Variants in AGBL3 observed in about 807,000 individuals in gnomAD.
AGBL3 encodes the protein AGBL carboxypeptidase 3, also known as cytosolic carboxypeptidase 3.
In AGBL3, 68 loss-of-function variants were observed where a neutral mutation model predicts 94.5. The ratio of observed to expected loss-of-function variants is 0.72; its 90% CI spans 0.59 to 0.88. AGBL3 has a LOEUF of 0.88. Ranked by LOEUF, AGBL3 falls within the 40% of genes least tolerant of loss-of-function variation. The pLI is 0.00. For missense variants in AGBL3, 934 were observed against 1,103.8 expected (o/e 0.85, Z 2.18); for synonymous variants, 354 against 370.7 (o/e 0.95, Z 0.52).
chr7:135,065,621 G>T (rs1162328464), intron 12 of AGBL3, among the ~76,000 whole-genome samples: 7 of 152,180 alleles, frequency 4.6e-5, no homozygotes, highest in African/African-American at 1.7e-4. Context: ...GCTGAGTGTG[G>T]TGGCTCACAC....
intron 16 of AGBL3, among the ~76,000 whole-genome samples, chr7:135,126,639 T>C (rs1214828115): frequency 1.3e-5 from 2 of 152,164 alleles, no homozygotes; most frequent in East Asian, 3.9e-4. Context: ...AACTTCAAAC[T>C]GTACTACGAG....
At chr7:135,109,016 G>T (rs1460943206) in intron 15 of AGBL3, among the ~76,000 whole-genome samples, 1 of 151,858 alleles carries the variant, frequency 6.6e-6, no homozygotes, top group Non-Finnish European at 1.5e-5. Flanking sequence ...TTCTTGTAGT[G>T]TGTTTTATAG....
intron 12 of AGBL3, among the ~76,000 whole-genome samples, chr7:135,072,492 C>T (rs148443186): frequency 0.49 from 73,708 of 151,906 alleles, 18,237 homozygotes; most frequent in South Asian, 0.66. Flanking sequence ...CTATTCACAA[C>T]AGCAAAGTCT....
chr7:135,099,839 A>G (rs10954483), intron 15 of AGBL3: 65,193 of 148,024 alleles, frequency 0.44, 14,963 homozygotes, highest in East Asian at 0.78. Context: ...ATCTAGTTAG[A>G]TATTTATTTC....
intron 4 of AGBL3, among the ~76,000 whole-genome samples, chr7:134,999,128 G>C (rs1811385174): frequency 6.6e-6 from 1 of 152,192 alleles, no homozygotes; most frequent in Admixed American, 6.5e-5. Flanking sequence ...ACTATGGGCT[G>C]TAAAGTGTGT....
intron 4 of AGBL3, chr7:135,010,817 T>G (rs1813051675): frequency 6.6e-6 from 1 of 152,198 alleles, no homozygotes; most frequent in Admixed American, 6.5e-5. Flanking sequence ...AGAGAGATTT[T>G]TAAAAGACCT....
chr7:135,034,421 A>G lies in AGBL3; in HGVS notation c.830A>G (p.Tyr277Cys), dbSNP rs767063041. The G allele has an allele frequency of 6.4e-7, 1 of 1,551,716 alleles. No individual in the cohort carries two copies. The highest frequency in any genetic ancestry group is 1.2e-5 in the South Asian group (1 of 84,064). ...RNNPGQDGRH[Y>C]FSLTWTFQFP... ...AACCCAGGCCAAGATGGGCGCCATTATTTCTCTCTTACATGGACATTTCAA... is the reference window on the plus strand; with the variant it reads ...AACCCAGGCCAAGATGGGCGCCATTGTTTCTCTCTTACATGGACATTTCAA... The change falls in exon 7 of 17, where the codon TAT becomes TGT. Residue 277 changes from tyrosine (Y) to cysteine (C), a missense_variant. Transcript: ENST00000436302.
chr7:135,041,492 A>G (rs1038734176), intron 8 of AGBL3, among the ~76,000 whole-genome samples: 2 of 152,190 alleles, frequency 1.3e-5, no homozygotes, highest in Non-Finnish European at 2.9e-5. Context: ...TGCACAGGAA[A>G]TTTAATGGAG....
intron 11 of AGBL3, among the ~76,000 whole-genome samples, chr7:135,053,112 C>A (rs1246169751): frequency 2.6e-5 from 4 of 152,078 alleles, no homozygotes; most frequent in Non-Finnish European, 5.9e-5. Flanking sequence ...TGAAAGCGTC[C>A]AAATATTTTA....
chr7:135,074,353 C>T (rs1421524648), intron 12 of AGBL3, among the ~76,000 whole-genome samples: 2 of 152,114 alleles, frequency 1.3e-5, no homozygotes, highest in Admixed American at 6.5e-5. Context: ...TTGACAAACC[C>T]TCATAGCATT....
At chr7:135,049,004 C>T (rs1259772486) in intron 11 of AGBL3, among the ~76,000 whole-genome samples, 1 of 151,594 alleles carries the variant, frequency 6.6e-6, no homozygotes, top group Non-Finnish European at 1.5e-5. Context: ...AGGTGAGCAT[C>T]CTTGCCTTTT....
intron 8 of AGBL3, among the ~76,000 whole-genome samples, chr7:135,038,282 A>G (rs186194338): frequency 6.4e-4 from 98 of 152,334 alleles, no homozygotes; most frequent in African/African-American, 2.3e-3. Context: ...CATAAAAAGG[A>G]AAGGATGATC....
chr7:134,987,058 T>C (rs149317056), intron 1 of AGBL3, among the ~76,000 whole-genome samples: 2 of 152,296 alleles, frequency 1.3e-5, no homozygotes, highest in African/African-American at 4.8e-5. Flanking sequence ...AAATGTGGAG[T>C]TGTGATGCCC....
intron 12 of AGBL3, among the ~76,000 whole-genome samples, chr7:135,068,337 C>G (rs988125678): frequency 3.9e-5 from 6 of 152,106 alleles, no homozygotes; most frequent in Non-Finnish European, 8.8e-5. Context: ...GAGAACTTCC[C>G]CAATCTAGCA....
At chr7:135,109,386 G>A (rs549777398) in intron 15 of AGBL3, among the ~76,000 whole-genome samples, 1 of 151,704 alleles carries the variant, frequency 6.6e-6, no homozygotes, top group South Asian at 2.1e-4. Flanking sequence ...GCTGCTATTG[G>A]CTCGATAGCC....
intron 15 of AGBL3, chr7:135,093,002 T>G (rs1430770591): frequency 6.7e-6 from 1 of 149,628 alleles, no homozygotes; most frequent in East Asian, 2.0e-4. Context: ...AAAGAGACAC[T>G]CAACAAATTA....
chr7:135,020,963 C>T (rs1287600401), intron 5 of AGBL3, among the ~76,000 whole-genome samples: 3 of 148,952 alleles, frequency 2.0e-5, no homozygotes, highest in African/African-American at 7.4e-5. Context: ...ATGTAAATGA[C>T]GAGTTAATGG....
chr7:135,013,557 T>C (rs1170318678), intron 4 of AGBL3, among the ~76,000 whole-genome samples: 1 of 152,094 alleles, frequency 6.6e-6, no homozygotes, highest in Non-Finnish European at 1.5e-5. Flanking sequence ...AAAAACAAAT[T>C]GGTGATCAGT....
chr7:135,063,554 A>G (rs939190138), intron 12 of AGBL3, among the ~76,000 whole-genome samples: 6 of 151,952 alleles, frequency 3.9e-5, no homozygotes, highest in African/African-American at 1.5e-4. Flanking sequence ...TGCATCTGAT[A>G]AGTTTTGATA....
Sources: gnomAD v4.1 joint callset for allele counts (sites outside exome capture counted in the v4.1 genomes callset) on GRCh38, gnomAD v4.1.1 for gene constraint, MANE v1.5 for transcripts, NCBI Gene and HGNC (gene_info 2026-07-23, HGNC 2026-07-21) for gene names.